Variants in CSNK1G3 observed in about 807,000 individuals in gnomAD.
CSNK1G3 encodes casein kinase I isoform gamma-3.
CSNK1G3 carries 23 observed loss-of-function variants against 64.3 expected under a neutral mutation model. That is an observed-to-expected ratio of 0.36 (90% confidence interval 0.26 to 0.51). The LOEUF is 0.51. CSNK1G3 is among the 20% of genes least tolerant of loss of function. The pLI, the probability that CSNK1G3 is intolerant of heterozygous loss-of-function variation, is 0.96. For missense variants in CSNK1G3, 357 were observed against 510.5 expected (o/e 0.70, Z 2.90); for synonymous variants, 158 against 162.2 (o/e 0.97, Z 0.20).
At chr5:123,593,320 G>C (rs1792792225) in intron 10 of CSNK1G3, among the ~76,000 whole-genome samples, 1 of 151,738 alleles carries the variant, frequency 6.6e-6, no homozygotes, top group African/African-American at 2.4e-5. Context: ...TAGAAAAGTT[G>C]TATATTTAAA....
intron 6 of CSNK1G3, among the ~76,000 whole-genome samples, chr5:123,582,635 T>A (rs75500591): frequency 6.6e-6 from 1 of 152,174 alleles, no homozygotes; most frequent in South Asian, 2.1e-4. Context: ...TTTCCTTAGG[T>A]GCTCATAGCA....
rs1014906055 is a variant in CSNK1G3 at position 123,512,996 on chromosome 5, G to A, written c.-248+426G>A. On this transcript the variant is annotated intron_variant, in intron 1 of 12. Transcript: ENST00000345990. The stretch of plus-strand genomic sequence containing the variant: ...CTGTGTCCAGACAATTACCTTTGGA[G>A]TAGGGGCTTCAGGCAGGAAGGAGGC... Among the ~76,000 whole-genome samples, 5 of 152,080 alleles carry A rather than the reference G, an allele frequency of 3.3e-5. No homozygotes were observed. In the East Asian group the frequency reaches 9.7e-4, roughly 29 times the overall value.
chr5:123,614,212 C>T, intron 12 of CSNK1G3, 130 bp from the exon 14 acceptor site: 2 of 720,480 alleles, frequency 2.8e-6, no homozygotes, highest in Non-Finnish European at 4.5e-6. Flanking sequence ...ACGTATGCTT[C>T]ATTGGTGTAA....
chr5:123,586,700 A>G (rs2150926149), intron 6 of CSNK1G3, among the ~76,000 whole-genome samples: 1 of 152,350 alleles, frequency 6.6e-6, no homozygotes, highest in South Asian at 2.1e-4. Flanking sequence ...GTGGAAGCAT[A>G]TATATTGATT....
intron 2 of CSNK1G3, among the ~76,000 whole-genome samples, chr5:123,550,433 A>G (rs1783411269): frequency 6.6e-6 from 1 of 152,228 alleles, no homozygotes; most frequent in South Asian, 2.1e-4. Flanking sequence ...AACTTAAGTC[A>G]CATGGCCACA....
At position 123,552,964 on chromosome 5, in the gene CSNK1G3, CTTG is replaced by C. The variant is rs1367577540; in HGVS notation, c.179-140_179-138del. 2.2e-5 allele frequency: 10 copies of C among 457,928 alleles called. No homozygotes were observed. The East Asian group carries it at 3.4e-4, about 16-fold the overall frequency. 28.4% of individuals were successfully genotyped at this position (457,928 alleles called of 1,614,324 possible). A position where few individuals can be genotyped will look rare whatever the true frequency, so the allele number is the denominator to read the frequency against. On this transcript the variant is annotated intron_variant, in intron 2 of 12. Coordinates refer to ENST00000345990, the Ensembl canonical transcript of CSNK1G3. ...AGTTGATAATAAGTTTGAATATTTC[CTTG>C]TTAAGTTTTTTTGCCAAATAGAAGC...
chr5:123,533,121 A>C (rs979127574), intron 1 of CSNK1G3, among the ~76,000 whole-genome samples: 5 of 151,882 alleles, frequency 3.3e-5, no homozygotes, highest in African/African-American at 1.2e-4. Context: ...TGACACTTTA[A>C]ATAATGTTCT....
At chr5:123,533,878 T>C (rs898129250) in intron 1 of CSNK1G3, among the ~76,000 whole-genome samples, 105 of 152,052 alleles carry the variant, frequency 6.9e-4, no homozygotes, top group African/African-American at 2.5e-3. Flanking sequence ...CTGATGTATC[T>C]AGTGGTGCTT....
chr5:123,568,980 T>C (rs1172655594), intron 4 of CSNK1G3, among the ~76,000 whole-genome samples: 1 of 152,216 alleles, frequency 6.6e-6, no homozygotes, highest in African/African-American at 2.4e-5. Context: ...CATTTAAGAA[T>C]GTATTCCAGT....
intron 12 of CSNK1G3, among the ~76,000 whole-genome samples, chr5:123,611,736 A>G (rs1796373506): frequency 1.3e-5 from 2 of 152,250 alleles, no homozygotes; most frequent in Admixed American, 1.3e-4. Context: ...AAGAATAGTG[A>G]ACATTATTAA....
intron 4 of CSNK1G3, among the ~76,000 whole-genome samples, chr5:123,566,794 TC>T (rs1786971970): frequency 6.6e-6 from 1 of 152,132 alleles, no homozygotes; most frequent in South Asian, 2.1e-4. Context: ...GCACTTTTTT[TC>T]CTGATTGCAA....
intron 1 of CSNK1G3, among the ~76,000 whole-genome samples, chr5:123,516,222 C>T (rs1777142742): frequency 6.6e-6 from 1 of 152,100 alleles, no homozygotes; most frequent in Non-Finnish European, 1.5e-5. Flanking sequence ...CAGTATGGTT[C>T]TGGTAATTTA....
intron 2 of CSNK1G3, among the ~76,000 whole-genome samples, chr5:123,548,555 TTAAA>T (rs2150309690): frequency 6.6e-6 from 1 of 152,060 alleles, no homozygotes; most frequent in Non-Finnish European, 1.5e-5. Flanking sequence ...GCTTTCAAAT[TTAAA>T]TACGTGTGTT....
chr5:123,605,305 T>A (rs1457454748), intron 11 of CSNK1G3, 34 bp from the exon 13 acceptor site: 2 of 1,576,696 alleles, frequency 1.3e-6, no homozygotes, highest in Non-Finnish European at 1.7e-6. Context: ...TCTCTTTTTT[T>A]TCCTTGTATT....
At chr5:123,550,538 A>G (rs936809019) in intron 2 of CSNK1G3, among the ~76,000 whole-genome samples, 16 of 152,228 alleles carry the variant, frequency 1.1e-4, no homozygotes, top group African/African-American at 3.6e-4. Flanking sequence ...ATTGGTGGGT[A>G]AATAGTTGTT....
At chr5:123,531,071 CTGAA>C (rs1317919413) in intron 1 of CSNK1G3, among the ~76,000 whole-genome samples, 17 of 152,082 alleles carry the variant, frequency 1.1e-4, no homozygotes, top group African/African-American at 4.1e-4. Flanking sequence ...ATTTGAAACA[CTGAA>C]TGAGTCGTTT....
chr5:123,603,991 T>G (rs1041114589), intron 10 of CSNK1G3, among the ~76,000 whole-genome samples: 1 of 152,090 alleles, frequency 6.6e-6, no homozygotes, highest in Non-Finnish European at 1.5e-5. Flanking sequence ...GCACCCTGAT[T>G]GCTGTGTGGA....
chr5:123,590,314 G>T, intron 8 of CSNK1G3, 96 bp from the exon 9 acceptor site: 1 of 491,144 alleles, frequency 2.0e-6, no homozygotes, highest in Non-Finnish European at 3.2e-6. Flanking sequence ...TACTTTTCAA[G>T]TGTTTTTATA....
At chr5:123,604,394 A>G (rs1381060936) in intron 10 of CSNK1G3, among the ~76,000 whole-genome samples, 1 of 152,136 alleles carries the variant, frequency 6.6e-6, no homozygotes, top group Non-Finnish European at 1.5e-5. Flanking sequence ...CAGAGGACAT[A>G]GACACACAAG....
Sources: allele counts gnomAD v4.1 joint callset (sites outside exome capture counted in the v4.1 genomes callset), GRCh38; gene constraint gnomAD v4.1.1; transcripts MANE v1.5; gene names NCBI Gene and HGNC (gene_info 2026-07-23, HGNC 2026-07-21).